Variants in NPY4R2 observed in about 807,000 individuals in gnomAD.
NPY4R2 encodes the protein neuropeptide Y receptor Y4-2.
For synonymous variants in NPY4R2, 6 were observed against 115.2 expected, an observed-to-expected ratio of 0.05 and a Z score of 6.07; for missense variants, 7 against 268.8, an observed-to-expected ratio of 0.03 and a Z score of 6.81.
upstream of NPY4R2, among the ~76,000 whole-genome samples, chr10:47,918,431 AAGAG>A (rs113496587): frequency 3.2e-5 from 1 of 31,112 alleles, no homozygotes; most frequent in Admixed American, 3.5e-4. Flanking sequence ...GAAAGAAAGA[AAGAG>A]AGAGAGAAAG....
At chr10:47,923,205 CA>C in exon 3 of NPY4R2, 2 of 249,164 alleles carry the variant, frequency 8.0e-6, no homozygotes, top group South Asian at 4.7e-5. Context: ...GGCACCCCAG[CA>C]TTCCTGGCTT....
upstream of NPY4R2, among the ~76,000 whole-genome samples, chr10:47,915,055 T>G (rs1554992400): frequency 5.3e-5 from 8 of 152,262 alleles, 1 homozygote; most frequent in East Asian, 1.6e-3. Context: ...GCTATAGCCT[T>G]CCATGAAAAA....
upstream of NPY4R2, among the ~76,000 whole-genome samples, chr10:47,916,629 G>A (rs1376359599): frequency 1.5e-5 from 2 of 136,770 alleles, no homozygotes; most frequent in Admixed American, 1.4e-4. Context: ...CATGAGGATG[G>A]ACTAAGGGCA....
chr10:47,918,383 G>GAGAGAAAGAAAGAA (rs1285737308), upstream of NPY4R2, among the ~76,000 whole-genome samples: 1 of 10,504 alleles, frequency 9.5e-5, no homozygotes. Context: ...GAGAGAGAGA[G>GAGAGAAAGAAAGAA]AGAAAGAAAG....
upstream of NPY4R2, among the ~76,000 whole-genome samples, chr10:47,918,360 AG>A (rs1841049304): frequency 2.0e-3 from 30 of 15,344 alleles, 2 homozygotes; most frequent in Non-Finnish European, 1.1e-3. Flanking sequence ...AGGGAGGGAG[AG>A]AGAGAGAGAG....
At chr10:47,916,572 C>T (rs1841668087), upstream of NPY4R2, among the ~76,000 whole-genome samples, 2 of 131,154 alleles carry the variant, frequency 1.5e-5, 1 homozygote, top group Non-Finnish European at 3.6e-5. Context: ...CTTTGAGGCT[C>T]AGTTTTCTCG....
upstream of NPY4R2, among the ~76,000 whole-genome samples, chr10:47,918,383 G>GAGAGAGAAAGAA (rs1285737308): frequency 4.8e-4 from 5 of 10,498 alleles, no homozygotes; most frequent in African/African-American, 2.5e-3. Context: ...GAGAGAGAGA[G>GAGAGAGAAAGAA]AGAAAGAAAG....
chr10:47,918,350 A>G (rs1841050926), upstream of NPY4R2, among the ~76,000 whole-genome samples: 1 of 15,444 alleles, frequency 6.5e-5, no homozygotes, highest in African/African-American at 4.9e-4. Flanking sequence ...AGGGAGGGGG[A>G]GGGAGGGAGA....
chr10:47,918,413 GAA>G (rs1337343205), upstream of NPY4R2, among the ~76,000 whole-genome samples: 1 of 31,838 alleles, frequency 3.1e-5, no homozygotes, highest in Admixed American at 2.9e-4. Flanking sequence ...AAGAAAGAAA[GAA>G]AGAAAGAAAG....
upstream of NPY4R2, among the ~76,000 whole-genome samples, chr10:47,914,998 C>T (rs1331114027): frequency 2.0e-5 from 3 of 152,404 alleles, no homozygotes; most frequent in Admixed American, 6.5e-5. Flanking sequence ...GTTATAAGTA[C>T]TGGAAAATAA....
upstream of NPY4R2, among the ~76,000 whole-genome samples, chr10:47,918,385 GAA>G (rs1401795824): frequency 5.3e-4 from 7 of 13,088 alleles, 1 homozygote; most frequent in East Asian, 2.1e-3. Context: ...GAGAGAGAGA[GAA>G]AGAAAGAAAG....
chr10:47,918,502 G>T (rs1841011827), upstream of NPY4R2, among the ~76,000 whole-genome samples: 2 of 39,998 alleles, frequency 5.0e-5, 1 homozygote, highest in Non-Finnish European at 1.1e-4. Context: ...AGAGACACAC[G>T]CAGGCAGGGC....
chr10:47,914,974 A>C (rs1841642490), upstream of NPY4R2, among the ~76,000 whole-genome samples: 1 of 152,290 alleles, frequency 6.6e-6, no homozygotes, highest in Non-Finnish European at 1.5e-5. Flanking sequence ...ATGTGTGAGG[A>C]TCTTTGGTTC....
At chr10:47,918,564 T>G (rs1841008796), upstream of NPY4R2, among the ~76,000 whole-genome samples, 1 of 31,028 alleles carries the variant, frequency 3.2e-5, no homozygotes, top group East Asian at 3.9e-4. Context: ...CCAGGGCGAG[T>G]GCTGGGGTCC....
intron 2 of NPY4R2, 69 bp downstream of exon 2, chr10:47,920,962 CG>C (rs2132189812): frequency 9.7e-6 from 1 of 102,646 alleles, no homozygotes; most frequent in African/African-American, 3.7e-5. Context: ...GGCACTAACA[CG>C]GGGGAACTCT....
upstream of NPY4R2, among the ~76,000 whole-genome samples, chr10:47,918,356 G>GGAGAGAGAGAGA (rs139901640): frequency 2.8e-4 from 5 of 17,744 alleles, 1 homozygote; most frequent in African/African-American, 1.0e-3. Context: ...GGGGAGGGAG[G>GGAGAGAGAGAGA]GAGAGAGAGA....
chr10:47,922,712 A>G, exon 3 of NPY4R2: 1 of 1,613,038 alleles, frequency 6.2e-7, no homozygotes, highest in Non-Finnish European at 8.5e-7. Flanking sequence ...CGGCGCCTGC[A>G]GAGGCAGGGG....
upstream of NPY4R2, among the ~76,000 whole-genome samples, chr10:47,918,429 GAAA>G (rs1841020085): frequency 2.9e-5 from 1 of 34,026 alleles, no homozygotes; most frequent in Non-Finnish European, 6.3e-5. Flanking sequence ...AAGAAAGAAA[GAAA>G]GAGAGAGAGA....
upstream of NPY4R2, among the ~76,000 whole-genome samples, chr10:47,915,020 C>T (rs1554992417): frequency 2.4e-4 from 37 of 152,378 alleles, no homozygotes; most frequent in East Asian, 5.0e-3. Flanking sequence ...CTGGTTTCCC[C>T]GGATAGCTGA....
Sources: gnomAD v4.1 joint callset for allele counts (sites outside exome capture counted in the v4.1 genomes callset) on GRCh38, gnomAD v4.1.1 for gene constraint, MANE v1.5 for transcripts, NCBI Gene and HGNC (gene_info 2026-07-23, HGNC 2026-07-21) for gene names.